CDH13: variants seen among roughly 807,000 people sequenced by gnomAD.
CDH13 encodes cadherin-13.
A neutral mutation model predicts 63.8 loss-of-function variants in CDH13; 24 were observed. That is an observed-to-expected ratio of 0.38 (90% CI 0.27 to 0.53). CDH13 has a LOEUF of 0.53. Ranked by LOEUF, CDH13 falls within the 20% of genes least tolerant of loss-of-function variation. The probability of loss-of-function intolerance (pLI) is 0.85; values close to 1 mark genes in which losing one functional copy is unlikely to be tolerated. For missense variants in CDH13, 1,049 were observed against 903.1 expected (o/e 1.16, Z -2.07); for synonymous variants, 503 against 355.3 (o/e 1.42, Z -4.67).
chr16:83,100,727 A>C (rs532593003), intron 3 of CDH13, among the ~76,000 whole-genome samples: 1 of 152,192 alleles, frequency 6.6e-6, no homozygotes, highest in African/African-American at 2.4e-5. Flanking sequence ...GCCAGGTAGG[A>C]TAGACTTGAC....
intron 10 of CDH13, among the ~76,000 whole-genome samples, chr16:83,678,861 A>G (rs1156668820): frequency 6.6e-6 from 1 of 152,210 alleles, no homozygotes; most frequent in Admixed American, 6.5e-5. Flanking sequence ...CCGTTTACAG[A>G]TACAGGTATT....
intron 9 of CDH13, among the ~76,000 whole-genome samples, chr16:83,671,295 C>T (rs991377879): frequency 5.9e-5 from 9 of 152,158 alleles, no homozygotes; most frequent in Non-Finnish European, 1.3e-4. Flanking sequence ...GTCACCTAGG[C>T]TGGGGTGCAG....
chr16:82,737,884 C>A (rs2033752481), intron 1 of CDH13, among the ~76,000 whole-genome samples: 1 of 152,152 alleles, frequency 6.6e-6, no homozygotes, highest in Non-Finnish European at 1.5e-5. Context: ...ACTGGTGAAA[C>A]CATCAGCTTC....
At chr16:83,779,506 T>A (rs1411535717) in intron 11 of CDH13, among the ~76,000 whole-genome samples, 1 of 151,118 alleles carries the variant, frequency 6.6e-6, no homozygotes, top group African/African-American at 2.4e-5. Flanking sequence ...TTATTGTTAG[T>A]CTTGTTTGCA....
intron 5 of CDH13, among the ~76,000 whole-genome samples, chr16:83,280,020 A>T (rs999624154): frequency 6.6e-6 from 1 of 152,232 alleles, no homozygotes; most frequent in Non-Finnish European, 1.5e-5. Flanking sequence ...TCTTGCCGCA[A>T]TGTTGATGGC....
intron 10 of CDH13, among the ~76,000 whole-genome samples, chr16:83,740,600 A>T (rs543028746): frequency 6.6e-6 from 1 of 152,320 alleles, no homozygotes; most frequent in South Asian, 2.1e-4. Flanking sequence ...GCCAGCTGCC[A>T]TATGCCAGTC....
At chr16:83,116,492 C>T (rs958436862) in intron 3 of CDH13, among the ~76,000 whole-genome samples, 11 of 152,152 alleles carry the variant, frequency 7.2e-5, no homozygotes, top group Non-Finnish European at 1.2e-4. Context: ...GCGCTGCAGC[C>T]CCTTCTGTTT....
intron 5 of CDH13, among the ~76,000 whole-genome samples, chr16:83,248,915 A>C (rs1413886742): frequency 6.6e-6 from 1 of 152,194 alleles, no homozygotes; most frequent in Non-Finnish European, 1.5e-5. Context: ...GTGCATATCC[A>C]AACTGAACTC....
chr16:83,413,093 T>C (rs1284380986), intron 6 of CDH13, among the ~76,000 whole-genome samples: 1 of 152,220 alleles, frequency 6.6e-6, no homozygotes, highest in Non-Finnish European at 1.5e-5. Context: ...CATCAAACAG[T>C]GGTAATGCCA....
chr16:83,226,392 T>C (rs973423566), intron 5 of CDH13, among the ~76,000 whole-genome samples: 1 of 152,184 alleles, frequency 6.6e-6, no homozygotes, highest in Non-Finnish European at 1.5e-5. Context: ...CTGAACTTCA[T>C]TAGCACAAAC....
intron 2 of CDH13, among the ~76,000 whole-genome samples, chr16:82,994,098 C>G (rs1359942655): frequency 6.6e-6 from 1 of 152,154 alleles, no homozygotes; most frequent in East Asian, 1.9e-4. Flanking sequence ...CATCTAATTA[C>G]CCATCTGTTT....
In CDH13 at chr16:83,621,475, C is replaced by CTTTTTTTT. The variant is rs72032168; in HGVS notation, c.1101+18903_1101+18910dup. Among the ~76,000 whole-genome samples, 96 of 28,532 alleles carry CTTTTTTTT rather than the reference C, an allele frequency of 3.4e-3. 39 individuals are homozygous for CTTTTTTTT. Among genetic ancestry groups the CTTTTTTTT allele is most frequent in the Non-Finnish European group, 4.1e-3 (72 of 17,644 alleles). 18.7% of individuals were successfully genotyped at this position (28,532 alleles called of 152,430 possible). On this transcript the variant is annotated intron_variant, in intron 8 of 13. Coordinates refer to ENST00000567109, the MANE Select transcript of CDH13 (RefSeq NM_001257.5). ...GCCCTCTTGCTCTCACCTCACCTGC[C>CTTTTTTTT]TTTTTTTTTTTTTTTTTTTTTTTTT...
At chr16:83,446,878 A>AAAAT (rs1297004479) in intron 6 of CDH13, among the ~76,000 whole-genome samples, 2 of 151,940 alleles carry the variant, frequency 1.3e-5, no homozygotes, top group Non-Finnish European at 2.9e-5. Context: ...TCTTTATAAT[A>AAAAT]AAATAAAAGC....
At chr16:83,282,581 A>G (rs2089207130) in intron 5 of CDH13, among the ~76,000 whole-genome samples, 1 of 152,240 alleles carries the variant, frequency 6.6e-6, no homozygotes, top group African/African-American at 2.4e-5. Context: ...ACAAGTGACA[A>G]CAGGACAGAA....
chr16:82,654,337 C>T (rs758571049), intron 1 of CDH13, among the ~76,000 whole-genome samples: 1 of 152,138 alleles, frequency 6.6e-6, no homozygotes, highest in Non-Finnish European at 1.5e-5. Context: ...TTAGGGCATC[C>T]CCAAATCTCT....
intron 3 of CDH13, among the ~76,000 whole-genome samples, chr16:83,070,766 C>G (rs1012601936): frequency 1.3e-5 from 2 of 150,114 alleles, no homozygotes; most frequent in African/African-American, 2.4e-5. Context: ...CTTGGAAATT[C>G]AAATGTAAAA....
chr16:83,013,498 C>T (rs958766440), intron 2 of CDH13, among the ~76,000 whole-genome samples: 1 of 152,158 alleles, frequency 6.6e-6, no homozygotes, highest in Non-Finnish European at 1.5e-5. Flanking sequence ...AATCACATTT[C>T]CCTTCCACAT....
At chr16:83,345,155 G>A (rs2090813172) in intron 6 of CDH13, 149 bp downstream of exon 6, 2 of 868,212 alleles carry the variant, frequency 2.3e-6, no homozygotes, top group African/African-American at 1.7e-5. Flanking sequence ...AAGCCAGGTT[G>A]GAAAGCTAAA....
intron 7 of CDH13, among the ~76,000 whole-genome samples, chr16:83,549,860 T>C (rs1256598070): frequency 6.6e-6 from 1 of 152,084 alleles, no homozygotes; most frequent in Non-Finnish European, 1.5e-5. Flanking sequence ...TAACTGTTGG[T>C]GGCAGGAGGT....
Sources: gnomAD v4.1 joint callset for allele counts (sites outside exome capture counted in the v4.1 genomes callset) on GRCh38, gnomAD v4.1.1 for gene constraint, MANE v1.5 for transcripts, NCBI Gene and HGNC (gene_info 2026-07-23, HGNC 2026-07-21) for gene names.